Variants in CHST15 observed in about 807,000 individuals in gnomAD.
CHST15 encodes the protein carbohydrate sulfotransferase 15.
In CHST15, 30 loss-of-function variants were observed where a neutral mutation model predicts 53.6. The observed-to-expected ratio is 0.56, with a 90% CI of 0.42 to 0.76. The LOEUF (loss-of-function observed/expected upper bound fraction) is 0.76, where lower values mean the gene tolerates loss of function less well. Ranked by LOEUF, CHST15 falls within the 30% of genes least tolerant of loss-of-function variation. The pLI is 0.00. For missense variants in CHST15, 627 were observed against 740.5 expected (o/e 0.85, Z 1.78); for synonymous variants, 296 against 289.8 (o/e 1.02, Z -0.22).
rs1457284672 is a variant in CHST15, at chr10:124,044,668, G to C, written c.798C>G (p.Thr266=). ...FYIIGQPKCG[T]TDLYDRLRLH... is the part of the protein sequence containing the mutation. Reference sequence around the variant, plus strand: ...GCCGCAGGCGGTCATAGAGGTCTGTGGTCCCGCACTTGGGCTGCCCTATGA... The same window carrying C: ...GCCGCAGGCGGTCATAGAGGTCTGTCGTCCCGCACTTGGGCTGCCCTATGA... Residue 266 remains threonine, a synonymous_variant, in exon 3 of 8, where the codon ACC becomes ACG. Transcript: ENST00000435907. The C allele has an allele frequency of 1.2e-6, 2 of 1,613,204 alleles. No individual in the cohort carries two copies. The highest frequency in any genetic ancestry group is 3.3e-5 in the Admixed American group (2 of 59,892).
intron 5 of CHST15, among the ~76,000 whole-genome samples, chr10:124,025,182 T>A (rs560877190): frequency 6.6e-6 from 1 of 152,360 alleles, no homozygotes; most frequent in East Asian, 1.9e-4. Flanking sequence ...TCATGAGGAA[T>A]CTGCTGATTC....
In CHST15 at chr10:124,033,583, T is replaced by C. The variant is rs77344263; in HGVS notation, c.1190+4932A>G. On this transcript the variant is annotated intron_variant, in intron 5 of 7. Transcript: ENST00000435907. ...TGGGATTTCACACTCATGACTAGGT[T>C]AGAAAAAATCGTGACTTCTAATCTG... is the stretch of plus-strand genomic sequence containing the variant. Among the ~76,000 whole-genome samples, 645 of 152,328 alleles carry C rather than the reference T, an allele frequency of 4.2e-3. 3 individuals carry two copies. The highest frequency in any genetic ancestry group is 0.015 in the African/African-American group (616 of 41,566).
intron 1 of CHST15, among the ~76,000 whole-genome samples, chr10:124,085,254 A>G (rs1210871177): frequency 6.6e-6 from 1 of 152,250 alleles, no homozygotes; most frequent in Non-Finnish European, 1.5e-5. Context: ...TATACCAGCT[A>G]TAAGAAACAC....
At chr10:124,058,067 T>A (rs1054721724) in intron 1 of CHST15, among the ~76,000 whole-genome samples, 4 of 152,200 alleles carry the variant, frequency 2.6e-5, no homozygotes, top group East Asian at 3.8e-4. Context: ...AAAAACTATT[T>A]CAGAGTGCTC....
At chr10:124,085,715 C>A (rs1340273740) in intron 1 of CHST15, among the ~76,000 whole-genome samples, 2 of 152,146 alleles carry the variant, frequency 1.3e-5, no homozygotes, top group Admixed American at 1.3e-4. Context: ...CAGTGTGGGA[C>A]AGGGTCAAGG....
intron 1 of CHST15, among the ~76,000 whole-genome samples, chr10:124,073,945 T>C (rs1422944815): frequency 6.6e-6 from 1 of 152,202 alleles, no homozygotes; most frequent in Non-Finnish European, 1.5e-5. Context: ...GCCAGGAGGC[T>C]GTAGATCTTC....
rs752085019 is a variant in CHST15, at chr10:124,027,241, G to C, written c.1191-5829C>G. ...TCAGCCCCTTTCCTGTGCAGTGCAGGGGTCCTGGGACCCCTGGAGGAGCGG... is the reference window on the plus strand; with the variant it reads ...TCAGCCCCTTTCCTGTGCAGTGCAGCGGTCCTGGGACCCCTGGAGGAGCGG... On this transcript the variant is annotated intron_variant, in intron 5 of 7. Transcript: ENST00000435907. 2.0e-5 allele frequency among the ~76,000 whole-genome samples: 3 copies of C among 152,258 alleles called. No individual in the cohort carries two copies. In the East Asian group the frequency reaches 5.8e-4, roughly 29 times the overall value.
intron 5 of CHST15, among the ~76,000 whole-genome samples, chr10:124,035,304 C>A (rs1947439773): frequency 1.4e-5 from 2 of 146,890 alleles, no homozygotes; most frequent in Admixed American, 1.3e-4. Context: ...TGATAGGTAC[C>A]CCGGCTCCAC....
At position 124,008,962 on chromosome 10, in the gene CHST15, C is replaced by A. The variant is rs768467863; in HGVS notation, c.*1187G>T. 1 of 1,289,188 alleles carries A rather than the reference C, an allele frequency of 7.8e-7. No homozygotes were observed. Among genetic ancestry groups the A allele is most frequent in the South Asian group, 1.2e-5 (1 of 81,020 alleles). The allele number at this position is 1,289,188 out of a possible 1,614,324, so 79.9% of individuals were successfully genotyped here. On this transcript the variant is annotated 3_prime_UTR_variant, in exon 8 of 8. Transcript: ENST00000435907. ...CCATGAAGAACACGGCTCTTAGAAACCTCATTCCAAATCTCAACACGCCAC... is the reference window on the plus strand; with the variant it reads ...CCATGAAGAACACGGCTCTTAGAAAACTCATTCCAAATCTCAACACGCCAC...
chr10:124,079,941 C>T (rs1009008467), intron 1 of CHST15, among the ~76,000 whole-genome samples: 1 of 152,296 alleles, frequency 6.6e-6, no homozygotes, highest in East Asian at 1.9e-4. Context: ...AGTCCTATTT[C>T]GGTCTTGTTT....
intron 1 of CHST15, among the ~76,000 whole-genome samples, chr10:124,069,090 C>T (rs1193052200): frequency 2.0e-5 from 3 of 152,172 alleles, no homozygotes; most frequent in African/African-American, 7.2e-5. Context: ...AAGGACAGTC[C>T]CTTGTCTCTG....
rs1464205475 is a variant in CHST15, at chr10:124,009,105, T to C, written c.*1044A>G. The C allele has an allele frequency of 7.9e-7, 1 of 1,261,004 alleles. No individual in the cohort carries two copies. The highest frequency in any genetic ancestry group is 1.5e-5 in the African/African-American group (1 of 65,366). 78.1% of individuals were successfully genotyped at this position (1,261,004 alleles called of 1,614,324 possible). A position where few individuals can be genotyped will look rare whatever the true frequency, so the allele number is the denominator to read the frequency against. ...AGTGGAGAATGTGGAAATAAACTAT[T>C]TCCAATGGGAAGGCAGAGAAATGGA... On this transcript the variant is annotated 3_prime_UTR_variant, in exon 8 of 8. Transcript: ENST00000435907.
At chr10:124,035,246 T>TA (rs1947433346) in intron 5 of CHST15, among the ~76,000 whole-genome samples, 1 of 129,164 alleles carries the variant, frequency 7.7e-6, no homozygotes, top group African/African-American at 3.0e-5. Flanking sequence ...CTTCATCCCC[T>TA]AACAGGGACC....
chr10:124,044,741 T>C lies in CHST15; in HGVS notation c.725A>G (p.His242Arg). 1 of 1,613,368 alleles carries C rather than the reference T, an allele frequency of 6.2e-7. No individual in the cohort carries two copies. Among genetic ancestry groups the C allele is most frequent in the Non-Finnish European group, 8.5e-7 (1 of 1,179,722 alleles). The part of the protein sequence containing the change: ...LRKAFWGHLA[H>R]AHGKHFRLRC... ...CAGGCGGAAGTGCTTCCCGTGCGCG[T>C]GCGCCAGGTGGCCCCAGAAGGCCTT... The change falls in exon 3 of 8, where the codon CAC (histidine) becomes CGC (arginine). Residue 242 changes from histidine (H) to arginine (R), a missense_variant. Physicochemically the swap from His to Arg is conservative, Grantham distance 29. Around this residue, in one of 3 missense-constraint regions of CHST15, gnomAD observed 161 missense variants for 117.2 expected, o/e 1.37. Transcript: ENST00000435907.
In CHST15 at chr10:124,042,866, C is replaced by T. The variant is rs990061392; in HGVS notation, c.887-419G>A. ...AACAGGGAGAGAGGACCGAGGGCTG[C>T]CCACAGGAGAGAGAAGGGCAGTATC... On this transcript the variant is annotated intron_variant, in intron 3 of 7. Coordinates refer to ENST00000435907, the MANE Select transcript of CHST15 (RefSeq NM_001270764.2). 1.6e-4 allele frequency among the ~76,000 whole-genome samples: 24 copies of T among 152,092 alleles called. 1 individual carries two copies. The highest frequency in any genetic ancestry group is 1.3e-3 in the Admixed American group (20 of 15,262).
Position 124,026,540 on chromosome 10 carries a change from C to T in CHST15, c.1191-5128G>A, listed in dbSNP as rs1947018210. Among the ~76,000 whole-genome samples, 4 of 152,188 alleles carry T rather than the reference C, an allele frequency of 2.6e-5. No homozygotes were observed. In the South Asian group the frequency reaches 8.3e-4, roughly 31 times the overall value. ...CAAACTGAAATGTCTACCTTTTAGT[C>T]TTCAAAATCCACTATCCCATGAGGA... On this transcript the variant is annotated intron_variant, in intron 5 of 7. Transcript: ENST00000435907.
chr10:124,020,734 G>A, intron 6 of CHST15: 3 of 1,021,322 alleles, frequency 2.9e-6, no homozygotes, highest in Non-Finnish European at 3.5e-6. Flanking sequence ...ACCAATAACA[G>A]CTTTTTGCAT....
intron 5 of CHST15, among the ~76,000 whole-genome samples, chr10:124,038,165 T>G (rs1018057162): frequency 1.2e-4 from 18 of 151,880 alleles, no homozygotes; most frequent in Admixed American, 3.3e-4. Context: ...GGAGTGCAGT[T>G]GCACCATCTT....
intron 7 of CHST15, 135 bp from the exon 8 acceptor site, chr10:124,010,474 C>A: frequency 2.1e-6 from 3 of 1,409,494 alleles, no homozygotes; most frequent in South Asian, 1.6e-5. Context: ...GATTAAAATT[C>A]TTTGGCTGGA....
Sources: gnomAD v4.1 joint callset for allele counts (sites outside exome capture counted in the v4.1 genomes callset) on GRCh38, gnomAD v4.1.1 for gene constraint, gnomAD v4.1.1 regional missense constraint, MANE v1.5 for transcripts, NCBI Gene and HGNC (gene_info 2026-07-23, HGNC 2026-07-21) for gene names.